Variants in SLCO2A1 observed in about 807,000 individuals in gnomAD.
SLCO2A1 encodes the protein matrin F/G 1.
Under a neutral mutation model 71.7 loss-of-function variants are expected in SLCO2A1, and 60 were observed. The ratio of observed to expected loss-of-function variants is 0.84; its 90% confidence interval spans 0.68 to 1.04. The LOEUF (loss-of-function observed/expected upper bound fraction) is 1.04. SLCO2A1 is among the 50% of genes least tolerant of loss of function. The pLI, the probability that SLCO2A1 is intolerant of heterozygous loss-of-function variation, is 0.00. For synonymous variants in SLCO2A1, 308 were observed against 326.7 expected (o/e 0.94, Z 0.62); for missense variants, 745 against 813.4 (o/e 0.92, Z 1.02).
chr3:134,016,378 G>GA (rs1935456044), intron 1 of SLCO2A1, among the ~76,000 whole-genome samples: 2 of 151,728 alleles, frequency 1.3e-5, no homozygotes, highest in African/African-American at 2.4e-5. Flanking sequence ...CAAAATATAG[G>GA]AAAAAACATT....
intron 1 of SLCO2A1, among the ~76,000 whole-genome samples, chr3:134,006,526 A>G (rs927988220): frequency 6.6e-6 from 1 of 152,210 alleles, no homozygotes; most frequent in Non-Finnish European, 1.5e-5. Flanking sequence ...TTCTGTCTCT[A>G]TGAATTTTAC....
chr3:133,994,149 A>T (rs57083484), intron 1 of SLCO2A1, among the ~76,000 whole-genome samples: 2,277 of 152,170 alleles, frequency 0.015, 58 homozygotes, highest in African/African-American at 0.049. Flanking sequence ...ACTCTTGGTC[A>T]CTCTGTATTT....
intron 1 of SLCO2A1, among the ~76,000 whole-genome samples, chr3:134,026,795 T>C (rs115964814): frequency 3.3e-5 from 5 of 152,164 alleles, no homozygotes; most frequent in East Asian, 1.9e-4. Flanking sequence ...ATTTAACCTT[T>C]CTAATTGCTG....
intron 3 of SLCO2A1, among the ~76,000 whole-genome samples, chr3:133,967,311 AGAT>A (rs1381622365): frequency 6.6e-6 from 1 of 152,192 alleles, no homozygotes; most frequent in Non-Finnish European, 1.5e-5. Flanking sequence ...CCACAAAAAC[AGAT>A]GATAGAAAAG....
rs1361301405 is a variant in SLCO2A1 at position 133,987,750 on chromosome 3, C to T, written c.97-8132G>A. 2.0e-5 allele frequency among the ~76,000 whole-genome samples: 3 copies of T among 152,224 alleles called. No individual in the cohort carries two copies. In the East Asian group the frequency reaches 5.8e-4, roughly 29 times the overall value. ...ATCGATATCCACTAGGATGCAACTT[C>T]TCTGAGGTGATTCAATGTACTGGAA... On this transcript the variant is annotated intron_variant, in intron 1 of 13. Transcript: ENST00000310926.
chr3:133,960,580 A>G (rs994091327), intron 3 of SLCO2A1, among the ~76,000 whole-genome samples: 1 of 152,216 alleles, frequency 6.6e-6, no homozygotes, highest in African/African-American at 2.4e-5. Context: ...TGTTTAACAG[A>G]TACAGAATTT....
chr3:133,986,264 TG>T (rs1270156642), intron 1 of SLCO2A1, among the ~76,000 whole-genome samples: 1 of 152,082 alleles, frequency 6.6e-6, no homozygotes, highest in Non-Finnish European at 1.5e-5. Context: ...TTTTGTTTTT[TG>T]TTTTTTGTTT....
chr3:133,958,642 G>T (rs1933950682), intron 3 of SLCO2A1, among the ~76,000 whole-genome samples: 1 of 152,192 alleles, frequency 6.6e-6, no homozygotes. Flanking sequence ...ACACAGCTGT[G>T]CAGTCACTCA....
At chr3:133,993,148 C>T (rs1221852166) in intron 1 of SLCO2A1, among the ~76,000 whole-genome samples, 1 of 152,242 alleles carries the variant, frequency 6.6e-6, no homozygotes, top group Non-Finnish European at 1.5e-5. Context: ...GCTCTTGCAC[C>T]CGCTGACCTG....
At chr3:133,982,071 C>T (rs1394564297) in intron 1 of SLCO2A1, among the ~76,000 whole-genome samples, 1 of 151,536 alleles carries the variant, frequency 6.6e-6, no homozygotes, top group East Asian at 1.9e-4. Context: ...GAAGGAAAGA[C>T]AAGAGCCACA....
At chr3:133,949,029 C>T in intron 6 of SLCO2A1, 58 bp from the exon 7 acceptor site, 1 of 1,460,404 alleles carries the variant, frequency 6.8e-7, no homozygotes, top group Non-Finnish European at 9.6e-7. Context: ...GCCACCCTTC[C>T]CTGAGCCCTT....
intron 3 of SLCO2A1, among the ~76,000 whole-genome samples, chr3:133,966,996 T>C (rs533188262): frequency 2.4e-4 from 37 of 152,316 alleles, no homozygotes; most frequent in African/African-American, 7.7e-4. Flanking sequence ...CCAAAGCCAC[T>C]GGAACAGAAG....
chr3:133,966,890 C>G (rs541818836), intron 3 of SLCO2A1, among the ~76,000 whole-genome samples: 1 of 152,300 alleles, frequency 6.6e-6, no homozygotes, highest in Admixed American at 6.5e-5. Flanking sequence ...TTGGGGACCT[C>G]AAGGCATCTT....
chr3:133,954,153 C>CTT lies in SLCO2A1; in HGVS notation c.626-394_626-393dup, dbSNP rs60871049. 4.3e-3 allele frequency among the ~76,000 whole-genome samples: 260 copies of CTT among 60,904 alleles called. 6 individuals carry two copies. Among genetic ancestry groups the CTT allele is most frequent in the African/African-American group, 0.012 (254 of 21,268 alleles). The allele number at this position is 60,904 out of a possible 152,430, so 40.0% of individuals were successfully genotyped here. On this transcript the variant is annotated intron_variant, in intron 4 of 13. Coordinates refer to ENST00000310926, the MANE Select transcript of SLCO2A1 (RefSeq NM_005630.3). ...CTGAGGATGCTCAAAGTGGTGTGTTCTTTTTTTTTTTTTTTTTTTTTTTTT... is the reference window on the plus strand; with the variant it reads ...CTGAGGATGCTCAAAGTGGTGTGTTCTTTTTTTTTTTTTTTTTTTTTTTTTTT...
chr3:134,029,631 C>T (rs1235748295), intron 1 of SLCO2A1, 76 bp downstream of exon 1: 5 of 1,262,528 alleles, frequency 4.0e-6, no homozygotes, highest in Admixed American at 2.2e-5. Context: ...CTGGCTCCGG[C>T]AGACAGAAGC....
intron 3 of SLCO2A1, among the ~76,000 whole-genome samples, chr3:133,969,298 T>G (rs1209118845): frequency 6.6e-6 from 1 of 152,064 alleles, no homozygotes; most frequent in Non-Finnish European, 1.5e-5. Context: ...GGCCTGGTGG[T>G]GGGCACCTGT....
At chr3:134,019,421 G>T (rs951357207) in intron 1 of SLCO2A1, among the ~76,000 whole-genome samples, 3 of 152,092 alleles carry the variant, frequency 2.0e-5, no homozygotes, top group Admixed American at 6.5e-5. Context: ...ATTAAATGTG[G>T]TTTTTCTTAA....
At position 134,021,173 on chromosome 3, in the gene SLCO2A1, C is replaced by A. The variant is rs564815518; in HGVS notation, c.96+8534G>T. On this transcript the variant is annotated intron_variant, in intron 1 of 13. Coordinates refer to ENST00000310926, the MANE Select transcript of SLCO2A1 (RefSeq NM_005630.3). ...AAAAGTGTGTGCGTGCCCTTTTTACCTGTTCTTTGGTTTGTGGTGTGCATG... is the reference window on the plus strand; with the variant it reads ...AAAAGTGTGTGCGTGCCCTTTTTACATGTTCTTTGGTTTGTGGTGTGCATG... Among the ~76,000 whole-genome samples the A allele has an allele frequency of 1.0e-3, 157 of 152,306 alleles. 1 individual carries two copies. The highest frequency in any genetic ancestry group is 3.4e-3 in the African/African-American group (143 of 41,564).
chr3:133,959,586 AG>A (rs1368486515), intron 3 of SLCO2A1, among the ~76,000 whole-genome samples: 1 of 152,128 alleles, frequency 6.6e-6, no homozygotes, highest in Non-Finnish European at 1.5e-5. Context: ...ATATTTTGGG[AG>A]GCCAAGAGGG....
Sources: gnomAD v4.1 joint callset for allele counts (sites outside exome capture counted in the v4.1 genomes callset) on GRCh38, gnomAD v4.1.1 for gene constraint, MANE v1.5 for transcripts, NCBI Gene and HGNC (gene_info 2026-07-23, HGNC 2026-07-21) for gene names.